Variants in PTPRF observed in about 807,000 individuals in gnomAD.
PTPRF encodes protein tyrosine phosphatase receptor type F.
A neutral mutation model predicts 201.8 loss-of-function variants in PTPRF; 59 were observed. The observed-to-expected ratio is 0.29, with a 90% CI of 0.24 to 0.36. The LOEUF is 0.36. PTPRF is among the 10% of genes least tolerant of loss of function. PTPRF has a pLI of 1.00. For synonymous variants in PTPRF, 1,088 were observed against 1,089.7 expected, an observed-to-expected ratio of 1.00 and a Z score of 0.03; for missense variants, 2,132 against 2,690.5, an observed-to-expected ratio of 0.79 and a Z score of 4.59.
Position 43,597,746 on chromosome 1 carries a change from A to G in PTPRF, c.1814-2A>G. ...TGCTTCCCCCCCATTTGTCTTCCCC[A>G]GCCCCCTCCGCCCCTCCCCAGAAGG... On this transcript the variant is annotated splice_acceptor_variant, in intron 11 of 33. Coordinates refer to ENST00000359947, the MANE Select transcript of PTPRF (RefSeq NM_002840.5). LOFTEE classifies it high-confidence loss of function. 1 of 744,552 alleles carries G rather than the reference A, an allele frequency of 1.3e-6. No individual in the cohort carries two copies. The highest frequency in any genetic ancestry group is 4.5e-5 in the Admixed American group (1 of 22,398). The allele number at this position is 744,552 out of a possible 1,614,324, so 46.1% of individuals were successfully genotyped here.
intron 8 of PTPRF, among the ~76,000 whole-genome samples, chr1:43,590,172 T>C (rs1321218257): frequency 3.3e-5 from 5 of 152,182 alleles, no homozygotes; most frequent in Non-Finnish European, 7.3e-5. Context: ...ACTGGCTCCA[T>C]GTACCCTTCC....
At chr1:43,531,317 C>T (rs957111896) in intron 1 of PTPRF, among the ~76,000 whole-genome samples, 6 of 148,114 alleles carry the variant, frequency 4.1e-5, no homozygotes, top group Admixed American at 3.3e-4. Context: ...GCGGCAGACG[C>T]GCCCCCAGCG....
chr1:43,545,266 AG>A (rs1644588884), intron 3 of PTPRF, 100 bp downstream of exon 3: 4 of 1,288,478 alleles, frequency 3.1e-6, no homozygotes, highest in South Asian at 1.4e-5. Context: ...TAGGAGAGAC[AG>A]GGTGGCCAGA....
intron 1 of PTPRF, among the ~76,000 whole-genome samples, chr1:43,533,857 T>C (rs562358325): frequency 6.6e-6 from 1 of 152,324 alleles, no homozygotes; most frequent in East Asian, 1.9e-4. Flanking sequence ...GCTGACTGTG[T>C]GCCAGACCCC....
intron 2 of PTPRF, among the ~76,000 whole-genome samples, chr1:43,540,933 G>A (rs1644321592): frequency 6.6e-6 from 1 of 152,278 alleles, no homozygotes; most frequent in Non-Finnish European, 1.5e-5. Flanking sequence ...AGTATAACAA[G>A]GCCTGTTTCC....
Position 43,598,859 on chromosome 1 carries a change from T to C in PTPRF, c.2259T>C (p.Asn753=), listed in dbSNP as rs758832115. 5.6e-6 allele frequency: 9 copies of C among 1,614,172 alleles called. No homozygotes were observed. Among genetic ancestry groups the C allele is most frequent in the Non-Finnish European group, 7.6e-6 (9 of 1,180,012 alleles). ...AGGTCACCTACGTGCGGCTGGAGAATGGCGAGCCCCGTGGACTCCCCATCA... is the reference window on the plus strand; with the variant it reads ...AGGTCACCTACGTGCGGCTGGAGAACGGCGAGCCCCGTGGACTCCCCATCA... ...GYQVTYVRLE[N]GEPRGLPIIQ... The change falls in exon 13 of 34, where the codon AAT becomes AAC. Residue 753 remains asparagine (N), a synonymous_variant. Coordinates refer to ENST00000359947, the MANE Select transcript of PTPRF (RefSeq NM_002840.5).
chr1:43,603,805 G>C lies in PTPRF; in HGVS notation c.2653G>C (p.Gly885Arg). 6.2e-7 allele frequency: 1 copy of C among 1,614,130 alleles called. No homozygotes were observed. Among genetic ancestry groups the C allele is most frequent in the East Asian group, 2.2e-5 (1 of 44,882 alleles). ...QHFTVTGLHK[G>R]TTYIFRLAAK... ...CTTCACAGTCACCGGCCTGCACAAG[G>C]GGACCACCTACATCTTCCGGCTTGC... Residue 885 changes from glycine (G) to arginine (R), a missense_variant, in exon 16 of 34, where the codon GGG becomes CGG. Physicochemically the swap from Gly to Arg is moderately radical, Grantham distance 125 (BLOSUM62 -2). Transcript: ENST00000359947. This position sits in a 1 kb window ranked among gnomAD's most constrained non-coding sequence, Gnocchi z 5.8.
chr1:43,596,729 C>A (rs1652353879), intron 11 of PTPRF, among the ~76,000 whole-genome samples: 1 of 152,178 alleles, frequency 6.6e-6, no homozygotes, highest in Non-Finnish European at 1.5e-5. Flanking sequence ...GTGGGCACAG[C>A]AGATGTGAAG....
At chr1:43,606,519 G>A in intron 20 of PTPRF, 61 bp downstream of exon 20, 2 of 1,481,822 alleles carry the variant, frequency 1.3e-6, no homozygotes, top group Non-Finnish European at 1.8e-6. Flanking sequence ...CTGAGACGAT[G>A]CCAGTCTCAA....
intron 7 of PTPRF, among the ~76,000 whole-genome samples, chr1:43,583,540 T>G (rs1648306095): frequency 6.6e-6 from 1 of 152,158 alleles, no homozygotes; most frequent in African/African-American, 2.4e-5. Context: ...AGACCCAGGC[T>G]CAGCCGAAAC....
chr1:43,578,105 C>T (rs945491156), intron 6 of PTPRF, among the ~76,000 whole-genome samples: 1 of 152,244 alleles, frequency 6.6e-6, no homozygotes, highest in African/African-American at 2.4e-5. Flanking sequence ...CCGTCTGCGG[C>T]CAGAGCAGCC....
rs751913113 is a variant in PTPRF, at chr1:43,619,282, C to T, written c.4647-6C>T. On this transcript the variant is annotated splice_region_variant and splice_polypyrimidine_tract_variant and intron_variant, in intron 27 of 33. Coordinates refer to ENST00000359947, the MANE Select transcript of PTPRF (RefSeq NM_002840.5). ...CTGTGCCTCAAGCTGAGCCCGTGTCCTGCAGCGCGGGCGTGGGCCGCACCG... is the reference window on the plus strand; with the variant it reads ...CTGTGCCTCAAGCTGAGCCCGTGTCTTGCAGCGCGGGCGTGGGCCGCACCG... The T allele has an allele frequency of 2.5e-6, 4 of 1,612,842 alleles. No individual in the cohort carries two copies. The Admixed American group carries it at 6.7e-5, about 27-fold the overall frequency.
intron 1 of PTPRF, among the ~76,000 whole-genome samples, chr1:43,532,159 G>T (rs1643623787): frequency 6.6e-6 from 1 of 152,044 alleles, no homozygotes; most frequent in African/African-American, 2.4e-5. Flanking sequence ...ATCTCTTGGT[G>T]TCTCTGCACT....
At chr1:43,541,377 A>G (rs920739717) in intron 2 of PTPRF, among the ~76,000 whole-genome samples, 1 of 152,192 alleles carries the variant, frequency 6.6e-6, no homozygotes, top group African/African-American at 2.4e-5. Context: ...AGAGGCTGGC[A>G]GGGTGGTTAG....
At chr1:43,579,229 CT>C (rs1647150307) in intron 7 of PTPRF, 1 of 590,820 alleles carries the variant, frequency 1.7e-6, no homozygotes, top group Non-Finnish European at 3.3e-6. Flanking sequence ...TCCAATCCGA[CT>C]TCTTGGTGTA....
intron 7 of PTPRF, among the ~76,000 whole-genome samples, chr1:43,585,653 G>T (rs1401972738): frequency 6.6e-6 from 1 of 152,170 alleles, no homozygotes; most frequent in African/African-American, 2.4e-5. Flanking sequence ...GCAGGAGTTG[G>T]AGGCTTTAGA....
At chr1:43,589,148 C>A (rs1014638530) in intron 8 of PTPRF, 148 bp downstream of exon 8, 3 of 924,762 alleles carry the variant, frequency 3.2e-6, no homozygotes, top group Admixed American at 3.6e-5. Flanking sequence ...GGTCCTCCAG[C>A]CCTTAGAGGG....
intron 5 of PTPRF, among the ~76,000 whole-genome samples, chr1:43,560,573 T>G (rs1443788687): frequency 3.3e-5 from 5 of 152,130 alleles, no homozygotes; most frequent in African/African-American, 1.2e-4. Flanking sequence ...GTGGGGTCAG[T>G]CTGGCACTGG....
intron 11 of PTPRF, 79 bp from the exon 12 acceptor site, chr1:43,597,669 C>G: frequency 9.4e-7 from 1 of 1,058,900 alleles, no homozygotes; most frequent in Non-Finnish European, 1.4e-6. Flanking sequence ...GGTGAGTCTC[C>G]AGTCCACTGT....
Sources: allele counts gnomAD v4.1 joint callset (sites outside exome capture counted in the v4.1 genomes callset), GRCh38; gene constraint gnomAD v4.1.1; non-coding constraint Gnocchi (gnomAD v3.1); transcripts MANE v1.5; gene names NCBI Gene and HGNC (gene_info 2026-07-23, HGNC 2026-07-21).